The following AK9 variants were observed in gnomAD, a reference collection of about 807,000 sequenced individuals.
AK9 encodes adenylate kinase 9, also known as adenylate kinase domain containing 1.
A neutral mutation model predicts 239.6 loss-of-function variants in AK9; 191 were observed. The observed-to-expected ratio is 0.80, with a 90% CI of 0.71 to 0.90. The LOEUF is 0.90. Among genes scored for constraint, AK9 ranks in the 40% least tolerant of loss-of-function variants. The probability of loss-of-function intolerance (pLI) is 0.00; values close to 1 mark genes in which losing one functional copy is unlikely to be tolerated. For missense variants in AK9, 1,995 were observed against 2,214.7 expected (o/e 0.90, Z 1.99); for synonymous variants, 689 against 721.0 (o/e 0.96, Z 0.71).
chr6:109,527,607 T>G (rs753670120), intron 29 of AK9: 1 of 151,792 alleles, frequency 6.6e-6, no homozygotes, highest in Non-Finnish European at 1.5e-5. Context: ...ATCAAAGGAG[T>G]TGGAAAAAAA....
Position 109,493,159 on chromosome 6 carries a change from A to AT in AK9, c.*209dup. ...TCAAAGTTCAGGCAAAGAGCAATACATTTTAAAATTGTATTAAAACTTGTT... is the reference window on the plus strand; with the variant it reads ...TCAAAGTTCAGGCAAAGAGCAATACATTTTTAAAATTGTATTAAAACTTGTT... On this transcript the variant is annotated 3_prime_UTR_variant, in exon 41 of 41. Coordinates refer to ENST00000424296, the MANE Select transcript of AK9 (RefSeq NM_001145128.3). 1 of 460,310 alleles carries AT rather than the reference A, an allele frequency of 2.2e-6. No individual in the cohort carries two copies. The highest frequency in any genetic ancestry group is 3.8e-6 in the Non-Finnish European group (1 of 261,258). 28.5% of individuals were successfully genotyped at this position (460,310 alleles called of 1,614,324 possible). A position where few individuals can be genotyped will look rare whatever the true frequency, so the allele number is the denominator to read the frequency against.
At position 109,633,217 on chromosome 6, in the gene AK9, T is replaced by C. The variant is rs1240859607; in HGVS notation, c.1040A>G (p.Asn347Ser). 3.1e-6 allele frequency: 5 copies of C among 1,602,238 alleles called. No individual in the cohort carries two copies. The highest frequency in any genetic ancestry group is 4.2e-6 in the Non-Finnish European group (5 of 1,177,534). ...RTCPVNLKDG[N>S]IYSGLPDYSV... ...ATAATCTGGTAATCCTGAATAAATG[T>C]TACCATCTTTTAAATTCACAGGACA... is the stretch of plus-strand genomic sequence containing the variant. Residue 347 changes from asparagine (N) to serine (S), a missense_variant, in exon 11 of 41, where the codon AAC (asparagine) becomes AGC (serine). Asn to Ser is a conservative substitution (Grantham distance 46, BLOSUM62 1). Coordinates refer to ENST00000424296, the MANE Select transcript of AK9 (RefSeq NM_001145128.3).
intron 25 of AK9, among the ~76,000 whole-genome samples, chr6:109,548,260 C>G (rs1452682269): frequency 6.6e-6 from 1 of 152,068 alleles, no homozygotes; most frequent in Non-Finnish European, 1.5e-5. Flanking sequence ...CAAATAAACT[C>G]ATATGAACTT....
intron 21 of AK9, among the ~76,000 whole-genome samples, chr6:109,567,883 A>C (rs1190208139): frequency 3.9e-5 from 1 of 25,318 alleles, no homozygotes; most frequent in Non-Finnish European, 1.1e-4. Context: ...AAAGTAAAAT[A>C]AAAAAAAAAA....
At chr6:109,509,028 A>G in intron 33 of AK9, 151 bp downstream of exon 33, 2 of 840,076 alleles carry the variant, frequency 2.4e-6, no homozygotes, top group Non-Finnish European at 3.5e-6. Flanking sequence ...AAATTCAAAT[A>G]TGTAACCATA....
intron 1 of AK9, among the ~76,000 whole-genome samples, chr6:109,676,029 T>C (rs955770121): frequency 6.6e-5 from 10 of 152,036 alleles, no homozygotes; most frequent in Admixed American, 1.3e-4. Flanking sequence ...AAAATACAGA[T>C]TTGTGTGTAT....
At chr6:109,652,881 T>C (rs183172080) in intron 8 of AK9, among the ~76,000 whole-genome samples, 3 of 152,330 alleles carry the variant, frequency 2.0e-5, no homozygotes, top group African/African-American at 7.2e-5. Flanking sequence ...GAATATCCTT[T>C]GGTATATCCT....
chr6:109,516,211 G>T, intron 30 of AK9, 136 bp from the exon 31 acceptor site: 2 of 927,434 alleles, frequency 2.2e-6, no homozygotes, highest in Non-Finnish European at 3.2e-6. Context: ...CCAAGTGGCT[G>T]CATGTTGGTG....
chr6:109,529,019 T>A lies in AK9; in HGVS notation c.3625A>T (p.Arg1209Trp), dbSNP rs776800311. Residue 1209 changes from arginine to tryptophan, a missense_variant, in exon 29 of 41, where the codon AGG becomes TGG. Coordinates refer to ENST00000424296, the MANE Select transcript of AK9 (RefSeq NM_001145128.3). ...AELILERDKK[R>W]RENVVRDDEE... The stretch of plus-strand genomic sequence containing the variant: ...AAAACAAAACTACTTACCTCCCTCC[T>A]TTTTTTATCTCTCTCTAATATAAGT... 6.3e-7 allele frequency: 1 copy of A among 1,598,262 alleles called. No individual in the cohort carries two copies. The highest frequency in any genetic ancestry group is 8.5e-7 in the Non-Finnish European group (1 of 1,172,650).
At chr6:109,596,622 T>C (rs1031297433) in intron 17 of AK9, among the ~76,000 whole-genome samples, 2 of 152,162 alleles carry the variant, frequency 1.3e-5, no homozygotes, top group Non-Finnish European at 2.9e-5. Flanking sequence ...CCTAGAAATA[T>C]GACAGGCATG....
At chr6:109,631,250 T>C (rs754065560) in intron 12 of AK9, among the ~76,000 whole-genome samples, 25 of 151,820 alleles carry the variant, frequency 1.6e-4, no homozygotes, top group Admixed American at 3.3e-4. Context: ...AAAAGTGAAA[T>C]GGCAAACCAC....
intron 17 of AK9, among the ~76,000 whole-genome samples, chr6:109,605,245 G>T (rs569401331): frequency 6.6e-6 from 1 of 152,226 alleles, no homozygotes; most frequent in African/African-American, 2.4e-5. Context: ...AGAACAGTCT[G>T]GGCAACATAG....
chr6:109,633,140 TG>T, intron 11 of AK9, 37 bp from the exon 12 acceptor site: 1 of 1,564,254 alleles, frequency 6.4e-7, no homozygotes, highest in Non-Finnish European at 8.6e-7. Flanking sequence ...ACTGAAAAGA[TG>T]TATGAGGAAG....
chr6:109,593,549 G>C (rs1790578618), intron 17 of AK9, among the ~76,000 whole-genome samples: 1 of 152,066 alleles, frequency 6.6e-6, no homozygotes, highest in Non-Finnish European at 1.5e-5. Flanking sequence ...AAACCTGGCA[G>C]AGACGTAACA....
intron 1 of AK9, among the ~76,000 whole-genome samples, chr6:109,683,819 C>CT (rs970763159): frequency 1.3e-5 from 2 of 152,212 alleles, no homozygotes; most frequent in Non-Finnish European, 2.9e-5. Flanking sequence ...AATGGCCATA[C>CT]TTCCCAAAGT....
Position 109,632,942 on chromosome 6 carries a change from G to T in AK9, c.1235C>A (p.Ala412Glu). The stretch of plus-strand genomic sequence containing the variant: ...AGTCACCTTTCCTTTGTAATTTTCT[G>T]CAAGCATATTGCAAAGTGTTGTTTT... ...SGKTTLCNML[A>E]ENYKGKVVDY... Residue 412 changes from alanine (A) to glutamate (E), a missense_variant, in exon 12 of 41, where the codon GCA becomes GAA. Coordinates refer to ENST00000424296, the MANE Select transcript of AK9 (RefSeq NM_001145128.3). 1 of 1,613,308 alleles carries T rather than the reference G, an allele frequency of 6.2e-7. No individual in the cohort carries two copies. The highest frequency in any genetic ancestry group is 8.5e-7 in the Non-Finnish European group (1 of 1,179,764).
At chr6:109,655,121 T>C (rs906665349) in intron 8 of AK9, among the ~76,000 whole-genome samples, 4 of 152,200 alleles carry the variant, frequency 2.6e-5, no homozygotes, top group African/African-American at 9.6e-5. Context: ...TTTCTACTTC[T>C]GGGTGTTTTT....
At chr6:109,627,336 T>TCC (rs1422203860) in intron 12 of AK9, among the ~76,000 whole-genome samples, 6 of 152,134 alleles carry the variant, frequency 3.9e-5, no homozygotes, top group Non-Finnish European at 8.8e-5. Flanking sequence ...CAGTTAACGT[T>TCC]TTCTACAAGT....
At chr6:109,579,765 T>C (rs1788582123) in intron 19 of AK9, 139 bp from the exon 20 acceptor site, 2 of 749,026 alleles carry the variant, frequency 2.7e-6, no homozygotes, top group South Asian at 5.4e-5. Flanking sequence ...TTTAAATTAC[T>C]CATGTTGAGA....
Sources: gnomAD v4.1 joint callset for allele counts (sites outside exome capture counted in the v4.1 genomes callset) on GRCh38, gnomAD v4.1.1 for gene constraint, MANE v1.5 for transcripts, NCBI Gene and HGNC (gene_info 2026-07-23, HGNC 2026-07-21) for gene names.